The following PERP variants were observed in gnomAD, a reference collection of about 807,000 sequenced individuals.
The protein encoded by PERP is p53 apoptosis effector related to PMP22.
In PERP, 11 loss-of-function variants were observed where a neutral mutation model predicts 20.3. The observed-to-expected ratio is 0.54, with a 90% confidence interval of 0.34 to 0.90. The LOEUF (loss-of-function observed/expected upper bound fraction) is 0.90, where lower values mean the gene tolerates loss of function less well. Ranked by LOEUF, PERP falls within the 40% of genes least tolerant of loss-of-function variation. PERP has a pLI of 0.02. For synonymous variants in PERP, 101 were observed against 102.0 expected (o/e 0.99, Z 0.06); for missense variants, 224 against 249.4 (o/e 0.90, Z 0.69).
chr6:138,095,026 G>A (rs1035102565), intron 2 of PERP, among the ~76,000 whole-genome samples: 5 of 152,074 alleles, frequency 3.3e-5, no homozygotes, highest in South Asian at 2.1e-4. Flanking sequence ...TGGCCTTAGT[G>A]TGTTATTTCT....
chr6:138,095,375 G>C (rs1341376743), intron 2 of PERP, among the ~76,000 whole-genome samples: 1 of 152,198 alleles, frequency 6.6e-6, no homozygotes, highest in East Asian at 1.9e-4. Context: ...GTTGCCCACA[G>C]CTCTGCGAAC....
rs1429345969 is a variant in PERP, at chr6:138,089,045, GA to G, written c.*2996del. ...GAATATTTAAAATTTTTTAATTAAA[GA>G]AAAAATTCTATCAATCAGAGAATCT... On this transcript the variant is annotated 3_prime_UTR_variant, in exon 3 of 3. Coordinates refer to ENST00000421351, the MANE Select transcript of PERP (RefSeq NM_022121.5). The G allele has an allele frequency of 6.6e-6, 1 of 152,002 alleles. No homozygotes were observed. Among genetic ancestry groups the G allele is most frequent in the African/African-American group, 2.4e-5 (1 of 41,392 alleles). The allele number at this position is 152,002 out of a possible 1,614,324, so 9.4% of individuals were successfully genotyped here.
intron 1 of PERP, among the ~76,000 whole-genome samples, chr6:138,101,591 CA>C (rs965372878): frequency 4.6e-5 from 7 of 152,108 alleles, no homozygotes; most frequent in African/African-American, 1.7e-4. Flanking sequence ...GGCACCCAAC[CA>C]GAGTCCAGTC....
chr6:138,096,260 T>C (rs1222618652), intron 2 of PERP, 94 bp downstream of exon 2: 5 of 1,446,600 alleles, frequency 3.5e-6, no homozygotes, highest in African/African-American at 2.8e-5. Context: ...GATTAGAAAC[T>C]GTAACAGTCA....
chr6:138,102,293 A>C (rs1775786264), intron 1 of PERP, among the ~76,000 whole-genome samples: 1 of 152,242 alleles, frequency 6.6e-6, no homozygotes, highest in African/African-American at 2.4e-5. Context: ...AAACAGGAAA[A>C]GTCAATCTAA....
Position 138,107,187 on chromosome 6 carries a change from A to C in PERP, c.154T>G (p.Ser52Ala). ...GACCCGCTGCCGCCGCCCTCTTGGG[A>C]GCATTTCCACCACAGCGAGGACGTC... The part of the protein sequence containing the change: ...GQTSSLWWKC[S>A]QEGGGSGSYE... The change falls in exon 1 of 3, where the codon TCC (serine) becomes GCC (alanine). Residue 52 changes from serine (S) to alanine (A), a missense_variant. Physicochemically the swap from Ser to Ala is moderately conservative, Grantham distance 99 (BLOSUM62 1). Transcript: ENST00000421351. The surrounding 1 kb of genome is among the most constrained non-coding windows in gnomAD (Gnocchi z 4.8). 1 of 1,612,204 alleles carries C rather than the reference A, an allele frequency of 6.2e-7. No homozygotes were observed. Among genetic ancestry groups the C allele is most frequent in the Non-Finnish European group, 8.5e-7 (1 of 1,179,582 alleles).
Position 138,095,666 on chromosome 6 carries a change from T to A in PERP, c.355+688A>T, listed in dbSNP as rs186991828. ...TTACTTCTGAATCTAACTCCGTGGC[T>A]AGGGTCCTGCCCCTTTGACAGATTT... On this transcript the variant is annotated intron_variant, in intron 2 of 2. Transcript: ENST00000421351. Among the ~76,000 whole-genome samples the A allele has an allele frequency of 4.6e-3, 700 of 152,348 alleles. 2 individuals carry two copies. Among genetic ancestry groups the A allele is most frequent in the Non-Finnish European group, 7.1e-3 (482 of 68,030 alleles).
chr6:138,096,310 C>T lies in PERP; in HGVS notation c.355+44G>A, dbSNP rs75018882. The T allele has an allele frequency of 1.8e-3, 2,865 of 1,604,604 alleles. 56 individuals carry two copies. In the African/African-American group the frequency reaches 0.034, roughly 19 times the overall value. On this transcript the variant is annotated intron_variant, in intron 2 of 2. Coordinates refer to ENST00000421351, the MANE Select transcript of PERP (RefSeq NM_022121.5). ...GGAATTGACCATTACTAAGTCGATG[C>T]CCACTGAAGGCATAAATGAAGAATT... is the stretch of plus-strand genomic sequence containing the variant.
chr6:138,102,189 C>T (rs1358421441), intron 1 of PERP, among the ~76,000 whole-genome samples: 4 of 152,220 alleles, frequency 2.6e-5, no homozygotes, highest in African/African-American at 9.7e-5. Flanking sequence ...CTGACTACTC[C>T]ATTGCTCTCT....
At chr6:138,097,690 T>C (rs1775716203) in intron 1 of PERP, among the ~76,000 whole-genome samples, 1 of 152,220 alleles carries the variant, frequency 6.6e-6, no homozygotes, top group Non-Finnish European at 1.5e-5. Flanking sequence ...AGCTGGTAAA[T>C]GGTTTAGACA....
At chr6:138,099,215 A>G (rs759802869) in intron 1 of PERP, among the ~76,000 whole-genome samples, 1 of 152,234 alleles carries the variant, frequency 6.6e-6, no homozygotes, top group Non-Finnish European at 1.5e-5. Flanking sequence ...AGTGTTTCTT[A>G]TATCCATAAA....
chr6:138,094,870 AC>A (rs1194724896), intron 2 of PERP, among the ~76,000 whole-genome samples: 1 of 152,072 alleles, frequency 6.6e-6, no homozygotes, highest in Non-Finnish European at 1.5e-5. Flanking sequence ...ATAGGTGTGC[AC>A]CATCAAGCCC....
chr6:138,101,212 A>C (rs578186632), intron 1 of PERP, among the ~76,000 whole-genome samples: 19 of 152,224 alleles, frequency 1.2e-4, no homozygotes, highest in African/African-American at 4.6e-4. Context: ...TCTACTAAAA[A>C]TACAAAAATT....
rs1456619238 is a variant in PERP, at chr6:138,089,157, T to C, written c.*2885A>G. ...GATGACCTGCCCAAGCCTGCACAGA[T>C]AGCAAGGACCAAAGTTGGGATGAGA... On this transcript the variant is annotated 3_prime_UTR_variant, in exon 3 of 3. Transcript: ENST00000421351. 6.6e-6 allele frequency: 1 copy of C among 152,116 alleles called. No individual in the cohort carries two copies. The highest frequency in any genetic ancestry group is 1.5e-5 in the Non-Finnish European group (1 of 68,024). The allele number at this position is 152,116 out of a possible 1,614,324, so 9.4% of individuals were successfully genotyped here. A position where few individuals can be genotyped will look rare whatever the true frequency, so the allele number is the denominator to read the frequency against.
chr6:138,105,184 A>G (rs1375271755), intron 1 of PERP, among the ~76,000 whole-genome samples: 1 of 152,222 alleles, frequency 6.6e-6, no homozygotes, highest in Non-Finnish European at 1.5e-5. Flanking sequence ...GGTAGCAGGA[A>G]TAACTAAACT....
At chr6:138,102,263 T>C (rs1775785623) in intron 1 of PERP, among the ~76,000 whole-genome samples, 1 of 152,200 alleles carries the variant, frequency 6.6e-6, no homozygotes, top group African/African-American at 2.4e-5. Context: ...GGAGAAGCCA[T>C]TCTATACAGG....
At chr6:138,097,215 T>A (rs1775706919) in intron 1 of PERP, among the ~76,000 whole-genome samples, 1 of 152,222 alleles carries the variant, frequency 6.6e-6, no homozygotes, top group Admixed American at 6.5e-5. Flanking sequence ...TTGATGGCAA[T>A]CAACTTCTAG....
chr6:138,097,980 A>G (rs1263262561), intron 1 of PERP, among the ~76,000 whole-genome samples: 1 of 152,182 alleles, frequency 6.6e-6, no homozygotes, highest in Non-Finnish European at 1.5e-5. Flanking sequence ...GACTTTTCAT[A>G]TAAATGGAAT....
At chr6:138,094,559 C>T (rs1775647070) in intron 2 of PERP, among the ~76,000 whole-genome samples, 1 of 152,016 alleles carries the variant, frequency 6.6e-6, no homozygotes, top group Non-Finnish European at 1.5e-5. Context: ...TGGTTGTTTC[C>T]ACCTTTTGGC....
Sources: allele counts gnomAD v4.1 joint callset (sites outside exome capture counted in the v4.1 genomes callset), GRCh38; gene constraint gnomAD v4.1.1; non-coding constraint Gnocchi (gnomAD v3.1); transcripts MANE v1.5; gene names NCBI Gene and HGNC (gene_info 2026-07-23, HGNC 2026-07-21).